The following PDE10A variants were observed in gnomAD, a reference collection of about 807,000 sequenced individuals.
PDE10A encodes cAMP and cAMP-inhibited cGMP 3',5'-cyclic phosphodiesterase 10A.
Under a neutral mutation model 97.7 loss-of-function variants are expected in PDE10A, and 39 were observed. The observed-to-expected ratio is 0.40, with a 90% CI of 0.31 to 0.52. The LOEUF is 0.52. Among genes scored for constraint, PDE10A ranks in the 20% least tolerant of loss-of-function variants. The probability of loss-of-function intolerance (pLI) is 0.56; values close to 1 mark genes in which losing one functional copy is unlikely to be tolerated. For synonymous variants in PDE10A, 371 were observed against 376.8 expected (o/e 0.98, Z 0.18); for missense variants, 731 against 1,047.8 (o/e 0.70, Z 4.17).
intron 1 of PDE10A, among the ~76,000 whole-genome samples, chr6:165,801,547 GA>G (rs1340392439): frequency 2.0e-5 from 3 of 151,270 alleles, no homozygotes; most frequent in South Asian, 4.2e-4. Context: ...TGTGTGTCAA[GA>G]AAAAAAAATT....
chr6:165,659,453 A>C (rs1371715673), intron 1 of PDE10A, among the ~76,000 whole-genome samples: 2 of 152,248 alleles, frequency 1.3e-5, no homozygotes, highest in African/African-American at 2.4e-5. Flanking sequence ...GTGGCTTGTC[A>C]GGCAGCAACA....
chr6:165,885,170 G>C (rs909243242), intron 1 of PDE10A, among the ~76,000 whole-genome samples: 2 of 152,120 alleles, frequency 1.3e-5, no homozygotes, highest in African/African-American at 4.8e-5. Context: ...AAATCGATTT[G>C]AAACGCAGGT....
chr6:165,424,028 A>G (rs1788931250), intron 10 of PDE10A, among the ~76,000 whole-genome samples: 1 of 151,074 alleles, frequency 6.6e-6, no homozygotes, highest in African/African-American at 2.4e-5. Flanking sequence ...TTAATTAAAA[A>G]CTCCCTCCCA....
At chr6:165,875,746 T>TTTTTTTTTTTTTTTTTTTTTTTTTTTG (rs780504850) in intron 1 of PDE10A, among the ~76,000 whole-genome samples, 2 of 147,078 alleles carry the variant, frequency 1.4e-5, no homozygotes, top group African/African-American at 2.6e-5. Context: ...TTTTTTTTTT[T>TTTTTTTTTTTTTTTTTTTTTTTTTTTG]TGTGTGTGTG....
Position 165,505,357 on chromosome 6 carries a change from AAATC to A in PDE10A, c.995-23018_995-23015del, listed in dbSNP as rs1217180624. On this transcript the variant is annotated intron_variant, in intron 2 of 21. Coordinates refer to ENST00000539869, the MANE Select transcript of PDE10A (RefSeq NM_001385079.1). ...TTACAAATTGTTTTCTTTAAAAGTT[AAATC>A]AATAAATATATAACTACTCACATTT... Among the ~76,000 whole-genome samples the A allele has an allele frequency of 6.1e-4, 93 of 152,352 alleles. 1 individual carries two copies. The highest frequency in any genetic ancestry group is 2.1e-3 in the African/African-American group (88 of 41,582).
chr6:165,898,469 C>T (rs1262580313), intron 1 of PDE10A, among the ~76,000 whole-genome samples: 5 of 152,094 alleles, frequency 3.3e-5, no homozygotes, highest in Admixed American at 6.5e-5. Flanking sequence ...GAGCAAAGCA[C>T]GAAACCTGGA....
intron 1 of PDE10A, among the ~76,000 whole-genome samples, chr6:165,647,037 T>G (rs989322745): frequency 6.6e-6 from 1 of 152,166 alleles, no homozygotes; most frequent in African/African-American, 2.4e-5. Flanking sequence ...AATGTACCCA[T>G]AAGGAGATCA....
chr6:165,765,965 T>A (rs899150474), intron 1 of PDE10A, among the ~76,000 whole-genome samples: 3 of 152,238 alleles, frequency 2.0e-5, no homozygotes, highest in African/African-American at 7.2e-5. Context: ...AAAAATCTAG[T>A]GCTTTATTTC....
chr6:165,977,729 G>C (rs1784891761), intron 1 of PDE10A, among the ~76,000 whole-genome samples: 1 of 152,180 alleles, frequency 6.6e-6, no homozygotes, highest in Non-Finnish European at 1.5e-5. Flanking sequence ...AAAATAAAAA[G>C]TGGTCTGTAG....
chr6:165,843,900 T>C (rs1780331345), intron 1 of PDE10A, among the ~76,000 whole-genome samples: 2 of 152,096 alleles, frequency 1.3e-5, no homozygotes, highest in Admixed American at 1.3e-4. Flanking sequence ...TGAGCTAACC[T>C]GAGAGCCTGA....
In PDE10A at chr6:165,661,815, C is replaced by T; in HGVS notation, c.865+132G>A. 1.8e-6 allele frequency: 1 copy of T among 551,558 alleles called. No homozygotes were observed. The highest frequency in any genetic ancestry group is 3.7e-5 in the East Asian group (1 of 26,724). The allele number at this position is 551,558 out of a possible 1,614,324, so 34.2% of individuals were successfully genotyped here. On this transcript the variant is annotated intron_variant, in intron 1 of 21. Coordinates refer to ENST00000539869, the MANE Select transcript of PDE10A (RefSeq NM_001385079.1). This position sits in a 1 kb window ranked among gnomAD's most constrained non-coding sequence, Gnocchi z 4.8. ...GCTCCTGCCCCTCCAGAGAAGCCCC[C>T]TGGGCGCTCCACGCCCGGGCACGGG...
intron 1 of PDE10A, among the ~76,000 whole-genome samples, chr6:165,732,108 A>G (rs1302031251): frequency 6.6e-6 from 1 of 152,222 alleles, no homozygotes; most frequent in Non-Finnish European, 1.5e-5. Flanking sequence ...ACCATCAGGA[A>G]GCTGAAGAGA....
chr6:165,813,900 G>A (rs2128467769), intron 1 of PDE10A, among the ~76,000 whole-genome samples: 1 of 152,224 alleles, frequency 6.6e-6, no homozygotes, highest in South Asian at 2.1e-4. Context: ...GTATTTCTTA[G>A]GCTATTAATA....
chr6:165,403,734 G>C (rs966862295), intron 13 of PDE10A, among the ~76,000 whole-genome samples: 1 of 152,052 alleles, frequency 6.6e-6, no homozygotes, highest in Non-Finnish European at 1.5e-5. Context: ...TACATACGGG[G>C]AACACTGAAT....
rs372856685 is a variant in PDE10A at position 165,334,035 on chromosome 6, A to C, written c.3066-908T>G. On this transcript the variant is annotated intron_variant, in intron 21 of 21. Coordinates refer to ENST00000539869, the MANE Select transcript of PDE10A (RefSeq NM_001385079.1). ...CTTTTAACTTTTGTAACATATCATC[A>C]AGTATTATTTTTCCAGACCCTAGAG... 3.9e-4 allele frequency among the ~76,000 whole-genome samples: 60 copies of C among 152,376 alleles called. 1 individual carries two copies. The highest frequency in any genetic ancestry group is 1.4e-3 in the African/African-American group (58 of 41,590).
chr6:165,930,047 GC>G lies in PDE10A; in HGVS notation c.-615+57481del, dbSNP rs879393963. Among the ~76,000 whole-genome samples, 375 of 147,698 alleles carry G rather than the reference GC, an allele frequency of 2.5e-3. 2 individuals are homozygous for G. The highest frequency in any genetic ancestry group is 3.9e-3 in the Non-Finnish European group (264 of 66,950). ...ACATATCACTCCAGAAATGAGGGTG[GC>G]AGCTGGGAAAAGAGTGCTCCCTAAT... On this transcript the variant is annotated intron_variant, in intron 1 of 19. Transcript: ENST00000366882.
At chr6:165,829,285 G>C (rs1235747077) in intron 1 of PDE10A, among the ~76,000 whole-genome samples, 1 of 152,240 alleles carries the variant, frequency 6.6e-6, no homozygotes, top group East Asian at 1.9e-4. Context: ...GATGCCCAGT[G>C]CTGAGTCTTC....
intron 2 of PDE10A, among the ~76,000 whole-genome samples, chr6:165,499,213 G>T (rs1003028228): frequency 1.3e-5 from 2 of 152,196 alleles, no homozygotes; most frequent in African/African-American, 2.4e-5. Flanking sequence ...CTGATCAGGG[G>T]ACCAGGGGAC....
chr6:165,514,593 C>G (rs1465346289), intron 2 of PDE10A, among the ~76,000 whole-genome samples: 1 of 152,214 alleles, frequency 6.6e-6, no homozygotes, highest in African/African-American at 2.4e-5. Context: ...TTACCCCAAT[C>G]TTGAATGAAA....
Sources: allele counts gnomAD v4.1 joint callset (sites outside exome capture counted in the v4.1 genomes callset), GRCh38; gene constraint gnomAD v4.1.1; non-coding constraint Gnocchi (gnomAD v3.1); transcripts MANE v1.5; gene names NCBI Gene and HGNC (gene_info 2026-07-23, HGNC 2026-07-21).